Variants in ASMT observed in about 807,000 individuals in gnomAD.
The protein encoded by ASMT is acetylserotonin N-methyltransferase.
In ASMT, 53 loss-of-function variants were observed where a neutral mutation model predicts 41.3. The observed-to-expected ratio is 1.28, with a 90% confidence interval of 1.03 to 1.61. The LOEUF (loss-of-function observed/expected upper bound fraction) is 1.61, where lower values mean the gene tolerates loss of function less well. Among genes scored for constraint, ASMT ranks in the 40% most tolerant of loss-of-function variants. The pLI is 0.00. For synonymous variants in ASMT, 231 were observed against 184.8 expected, an observed-to-expected ratio of 1.25 and a Z score of -2.03; for missense variants, 531 against 441.3, an observed-to-expected ratio of 1.20 and a Z score of -1.82.
intron 1 of ASMT, among the ~76,000 whole-genome samples, chrX:1,621,466 C>T (rs1310303794): frequency 3.9e-5 from 6 of 151,916 alleles, no homozygotes; most frequent in African/African-American, 1.4e-4. Flanking sequence ...TACAGGCTCA[C>T]ACCACCATGC....
At chrX:1,626,192 A>G (rs1182772682) in intron 3 of ASMT, among the ~76,000 whole-genome samples, 4 of 151,146 alleles carry the variant, frequency 2.6e-5, no homozygotes, top group African/African-American at 7.3e-5. Context: ...ATTTCAAGCT[A>G]TGGTAAAGAG....
At chrX:1,628,531 G>C (rs1244272360) in intron 4 of ASMT, among the ~76,000 whole-genome samples, 2 of 151,980 alleles carry the variant, frequency 1.3e-5, no homozygotes, top group African/African-American at 2.4e-5. Context: ...AGTAGGGAAG[G>C]GTATGAAGGA....
chrX:1,623,007 AAAT>A, intron 1 of ASMT, 129 bp from the exon 2 acceptor site: 1 of 823,986 alleles, frequency 1.2e-6, no homozygotes, highest in Non-Finnish European at 1.9e-6. Flanking sequence ...TCAAAAAAAA[AAAT>A]AAATAAATGA....
chrX:1,631,436 A>G (rs1472810545), intron 5 of ASMT, among the ~76,000 whole-genome samples: 1 of 151,950 alleles, frequency 6.6e-6, no homozygotes, highest in African/African-American at 2.4e-5. Context: ...GTCACACTCC[A>G]GGCCGTGATC....
Position 1,633,238 on chromosome X carries a change from G to T in ASMT, c.735G>T (p.Thr245=). The change falls in exon 7 of 9, where the codon ACG becomes ACT. Residue 245 remains threonine (T), a synonymous_variant. Transcript: ENST00000381241. ...TTGACATCCCAGAAGTGGTGTGGAC[G>T]GCAAAGCAGCACTTCTCATTCCAGG... is the stretch of plus-strand genomic sequence containing the variant. The part of the protein sequence containing the change: ...TVFDIPEVVW[T]AKQHFSFQEE... 6.2e-7 allele frequency: 1 copy of T among 1,613,880 alleles called. No homozygotes were observed. Among genetic ancestry groups the T allele is most frequent in the Non-Finnish European group, 8.5e-7 (1 of 1,179,840 alleles).
chrX:1,616,220 G>C (rs1386689532), intron 1 of ASMT, among the ~76,000 whole-genome samples: 1 of 151,362 alleles, frequency 6.6e-6, no homozygotes, highest in Non-Finnish European at 1.5e-5. Flanking sequence ...GTAGAGATGG[G>C]GTTTCACCAT....
rs1379409900 is a variant in ASMT, at chrX:1,626,647, GCAT to G, written c.375-1055_375-1053del. ...TCTCACGAGACTTTATAGTTATAGA[GCAT>G]AACTCCCTAGGCCCCTTAGATAAGA... On this transcript the variant is annotated intron_variant, in intron 3 of 8. Coordinates refer to ENST00000381241, the MANE Select transcript of ASMT (RefSeq NM_001171038.2). Among the ~76,000 whole-genome samples the G allele has an allele frequency of 4.1e-4, 63 of 152,146 alleles. 1 individual carries two copies. Among genetic ancestry groups the G allele is most frequent in the Non-Finnish European group, 1.6e-4 (11 of 68,042 alleles).
At chrX:1,625,846 C>G (rs1212412297) in intron 3 of ASMT, among the ~76,000 whole-genome samples, 6 of 149,362 alleles carry the variant, frequency 4.0e-5, no homozygotes, top group African/African-American at 9.8e-5. Context: ...CCCAGCTACT[C>G]GGAGAGGCTG....
intron 7 of ASMT, among the ~76,000 whole-genome samples, chrX:1,636,041 C>A (rs189020669): frequency 1.3e-5 from 2 of 150,322 alleles, no homozygotes; most frequent in Non-Finnish European, 3.0e-5. Flanking sequence ...CTGCAAGCTC[C>A]GCCTCCCGGG....
intron 7 of ASMT, among the ~76,000 whole-genome samples, chrX:1,635,878 C>A (rs760076660): frequency 8.2e-4 from 122 of 148,346 alleles, no homozygotes; most frequent in African/African-American, 2.7e-3. Context: ...AACAAACAAA[C>A]AAAAAAACAA....
chrX:1,633,873 C>T (rs753800704), intron 7 of ASMT, among the ~76,000 whole-genome samples: 24 of 152,170 alleles, frequency 1.6e-4, no homozygotes, highest in Middle Eastern at 3.4e-3. Flanking sequence ...CTCCTGACCG[C>T]GTGATCCGCC....
intron 8 of ASMT, 95 bp downstream of exon 8, chrX:1,636,655 A>G: frequency 6.3e-7 from 1 of 1,593,762 alleles, no homozygotes; most frequent in Non-Finnish European, 8.6e-7. Context: ...ATCATCCCAC[A>G]GGTAAGGGTA....
intron 1 of ASMT, among the ~76,000 whole-genome samples, chrX:1,617,535 T>C (rs1272154569): frequency 6.6e-6 from 1 of 152,078 alleles, no homozygotes. Flanking sequence ...TATTTTGAGA[T>C]GTCTGCAGCA....
rs747433065 is a variant in ASMT at position 1,636,558 on chromosome X, C to A, written c.908C>A (p.Pro303Gln). 3.1e-6 allele frequency: 5 copies of A among 1,609,344 alleles called. No homozygotes were observed. The highest frequency in any genetic ancestry group is 4.2e-6 in the Non-Finnish European group (5 of 1,178,790). ...LLERIYHTCK[P>Q]GGGILVIESL... The stretch of plus-strand genomic sequence containing the variant: ...GAGAGGATCTACCACACTTGCAAGC[C>A]AGGTAAGTTGTGGGGTTTGCATTTC... The change falls in exon 8 of 9, where the codon CCA becomes CAA. Residue 303 changes from proline to glutamine, a missense_variant and splice_region_variant. Physicochemically the swap from Pro to Gln is moderately conservative, Grantham distance 76. Coordinates refer to ENST00000381241, the MANE Select transcript of ASMT (RefSeq NM_001171038.2).
chrX:1,633,240 C>T lies in ASMT; in HGVS notation c.737C>T (p.Ala246Val), dbSNP rs1200631661. The T allele has an allele frequency of 3.1e-6, 5 of 1,613,758 alleles. No individual in the cohort carries two copies. Among genetic ancestry groups the T allele is most frequent in the Admixed American group, 1.7e-5 (1 of 59,966 alleles). The change falls in exon 7 of 9, where the codon GCA becomes GTA. Residue 246 changes from alanine to valine, a missense_variant. Coordinates refer to ENST00000381241, the MANE Select transcript of ASMT (RefSeq NM_001171038.2). ...GACATCCCAGAAGTGGTGTGGACGGCAAAGCAGCACTTCTCATTCCAGGAG... is the reference window on the plus strand; with the variant it reads ...GACATCCCAGAAGTGGTGTGGACGGTAAAGCAGCACTTCTCATTCCAGGAG... ...VFDIPEVVWT[A>V]KQHFSFQEEE...
At chrX:1,630,606 G>A (rs5989857) in intron 5 of ASMT, among the ~76,000 whole-genome samples, 3,775 of 151,812 alleles carry the variant, frequency 0.025, 159 homozygotes, top group African/African-American at 0.087. Flanking sequence ...ACCCAGGCTC[G>A]AGTGCAATGG....
intron 7 of ASMT, 103 bp downstream of exon 7, chrX:1,633,393 A>C (rs1335654976): frequency 7.2e-7 from 1 of 1,390,074 alleles, no homozygotes; most frequent in African/African-American, 1.4e-5. Flanking sequence ...TTTTCCTCTC[A>C]CTCCCGGAAA....
chrX:1,636,270 A>T, intron 7 of ASMT, 168 bp from the exon 8 acceptor site: 2 of 1,038,774 alleles, frequency 1.9e-6, no homozygotes, highest in Admixed American at 1.7e-5. Flanking sequence ...GTATTTTCTT[A>T]TCTTTCTCCT....
chrX:1,634,853 G>A (rs1706552864), intron 7 of ASMT, among the ~76,000 whole-genome samples: 1 of 151,980 alleles, frequency 6.6e-6, no homozygotes, highest in South Asian at 2.1e-4. Context: ...TTTTAGTAGA[G>A]ACAGGGTTTC....
Sources: gnomAD v4.1 joint callset for allele counts (sites outside exome capture counted in the v4.1 genomes callset) on GRCh38, gnomAD v4.1.1 for gene constraint, MANE v1.5 for transcripts, NCBI Gene and HGNC (gene_info 2026-07-23, HGNC 2026-07-21) for gene names.